Variants in DTNBP1 observed in about 807,000 individuals in gnomAD.
The protein encoded by DTNBP1 is dystrobrevin binding protein 1.
A neutral mutation model predicts 42.8 loss-of-function variants in DTNBP1; 35 were observed. That is an observed-to-expected ratio of 0.82 (90% confidence interval 0.63 to 1.09). The LOEUF (loss-of-function observed/expected upper bound fraction) is 1.09. Among genes scored for constraint, DTNBP1 ranks in the 50% least tolerant of loss-of-function variants. The pLI is 0.00. For missense variants in DTNBP1, 457 were observed against 424.2 expected (o/e 1.08, Z -0.68); for synonymous variants, 171 against 162.2 (o/e 1.05, Z -0.41).
chr6:15,603,710 C>T (rs572528295), intron 6 of DTNBP1, among the ~76,000 whole-genome samples: 13 of 152,320 alleles, frequency 8.5e-5, no homozygotes, highest in East Asian at 3.9e-4. Flanking sequence ...TTGCTAAGCA[C>T]GTCTTCAGCA....
intron 7 of DTNBP1, among the ~76,000 whole-genome samples, chr6:15,564,698 C>T (rs961037492): frequency 2.6e-5 from 4 of 152,112 alleles, no homozygotes; most frequent in Admixed American, 6.6e-5. Context: ...ATAAGCCCAC[C>T]GTGCCCAGCC....
In DTNBP1 at chr6:15,548,810, A is replaced by G. The variant is rs1164536654; in HGVS notation, c.512-15415T>C. Among the ~76,000 whole-genome samples, 3 of 152,230 alleles carry G rather than the reference A, an allele frequency of 2.0e-5. No individual in the cohort carries two copies. The East Asian group carries it at 5.8e-4, about 29-fold the overall frequency. ...ATAAGGCAATGTTAATTTAAAAAAC[A>G]AAAAGAAAAAAGCCTGTTGAATAGT... is the stretch of plus-strand genomic sequence containing the variant. On this transcript the variant is annotated intron_variant, in intron 7 of 9. Coordinates refer to ENST00000344537, the MANE Select transcript of DTNBP1 (RefSeq NM_032122.5).
intron 6 of DTNBP1, among the ~76,000 whole-genome samples, chr6:15,604,017 A>G (rs747932175): frequency 3.3e-5 from 5 of 151,962 alleles, no homozygotes; most frequent in Non-Finnish European, 7.4e-5. Context: ...TAGCTCTTCA[A>G]CTCTGAGTCT....
chr6:15,627,291 C>T, intron 5 of DTNBP1, 52 bp downstream of exon 5: 1 of 1,605,144 alleles, frequency 6.2e-7, no homozygotes, highest in South Asian at 1.1e-5. Context: ...CAAACCCTGC[C>T]CAAGTTGTTT....
chr6:15,528,975 C>G (rs900904936), intron 8 of DTNBP1, among the ~76,000 whole-genome samples: 26 of 152,156 alleles, frequency 1.7e-4, no homozygotes, highest in African/African-American at 5.6e-4. Flanking sequence ...CGTATATGTA[C>G]AGAGAGAGAA....
At chr6:15,600,361 G>C (rs1260971620) in intron 6 of DTNBP1, among the ~76,000 whole-genome samples, 2 of 152,182 alleles carry the variant, frequency 1.3e-5, no homozygotes, top group East Asian at 1.9e-4. Context: ...GTAGAGAAGA[G>C]AGTACACCTA....
intron 8 of DTNBP1, among the ~76,000 whole-genome samples, chr6:15,526,966 A>C (rs9476835): frequency 0.16 from 24,433 of 152,194 alleles, 3,045 homozygotes; most frequent in African/African-American, 0.34. Context: ...AACTAAACTA[A>C]AATAAAATCT....
intron 5 of DTNBP1, among the ~76,000 whole-genome samples, chr6:15,626,380 C>T (rs1020156831): frequency 2.0e-5 from 3 of 152,198 alleles, no homozygotes; most frequent in African/African-American, 7.2e-5. Context: ...TTTGTTCACA[C>T]ACAAAAAACT....
At chr6:15,586,202 C>A (rs1776073693) in intron 7 of DTNBP1, among the ~76,000 whole-genome samples, 1 of 152,156 alleles carries the variant, frequency 6.6e-6, no homozygotes, top group Non-Finnish European at 1.5e-5. Context: ...TAGTTCATTT[C>A]ATAACACACA....
intron 9 of DTNBP1, chr6:15,524,199 T>C (rs901111852): frequency 6.7e-7 from 1 of 1,492,946 alleles, no homozygotes; most frequent in Non-Finnish European, 8.9e-7. Context: ...CGCACCTCCC[T>C]GCAAACGCCA....
intron 6 of DTNBP1, among the ~76,000 whole-genome samples, chr6:15,599,553 C>T (rs1047534010): frequency 2.0e-5 from 3 of 152,138 alleles, no homozygotes; most frequent in African/African-American, 7.2e-5. Context: ...AAACTCAGAG[C>T]CACCCCAAAA....
intron 3 of DTNBP1, among the ~76,000 whole-genome samples, chr6:15,642,775 C>T (rs1301628187): frequency 2.0e-5 from 3 of 152,108 alleles, no homozygotes; most frequent in Non-Finnish European, 4.4e-5. Context: ...AATGATAATA[C>T]ACAACATATA....
chr6:15,574,935 T>C (rs938657173), intron 7 of DTNBP1, among the ~76,000 whole-genome samples: 11 of 152,258 alleles, frequency 7.2e-5, no homozygotes, highest in African/African-American at 2.7e-4. Context: ...TAATTTTTTC[T>C]GAACAGACAG....
chr6:15,653,742 G>A (rs1761139789), intron 1 of DTNBP1, among the ~76,000 whole-genome samples: 1 of 152,076 alleles, frequency 6.6e-6, no homozygotes, highest in Non-Finnish European at 1.5e-5. Context: ...ACTTCAACAA[G>A]TACTCATTTG....
intron 7 of DTNBP1, among the ~76,000 whole-genome samples, chr6:15,566,255 C>T (rs1240455888): frequency 1.4e-5 from 2 of 144,372 alleles, no homozygotes; most frequent in East Asian, 4.1e-4. Flanking sequence ...GCGGAGCTTG[C>T]AGTGAGCCGA....
At chr6:15,657,988 G>A (rs1027459719) in intron 1 of DTNBP1, among the ~76,000 whole-genome samples, 22 of 152,028 alleles carry the variant, frequency 1.4e-4, no homozygotes, top group Non-Finnish European at 2.8e-4. Context: ...CTCTTTCTTC[G>A]GACTCACATA....
chr6:15,617,599 A>C (rs1458702378), intron 5 of DTNBP1, among the ~76,000 whole-genome samples: 4 of 152,144 alleles, frequency 2.6e-5, no homozygotes, highest in Non-Finnish European at 5.9e-5. Context: ...GTTTTTGACA[A>C]AGGCACCGAG....
At chr6:15,560,640 A>G (rs1774792839) in intron 7 of DTNBP1, among the ~76,000 whole-genome samples, 1 of 152,252 alleles carries the variant, frequency 6.6e-6, no homozygotes, top group Non-Finnish European at 1.5e-5. Flanking sequence ...TTACAGAGCC[A>G]ATAAAAGCTC....
At chr6:15,539,855 A>G (rs1256162439) in intron 7 of DTNBP1, among the ~76,000 whole-genome samples, 1 of 152,204 alleles carries the variant, frequency 6.6e-6, no homozygotes, top group Non-Finnish European at 1.5e-5. Context: ...ATTTAGTCTC[A>G]GACTCTTTTT....
Sources: gnomAD v4.1 joint callset for allele counts (sites outside exome capture counted in the v4.1 genomes callset) on GRCh38, gnomAD v4.1.1 for gene constraint, MANE v1.5 for transcripts, NCBI Gene and HGNC (gene_info 2026-07-23, HGNC 2026-07-21) for gene names.